Variants in SMPD3 observed in about 807,000 individuals in gnomAD.
SMPD3 encodes the protein sphingomyelin phosphodiesterase 3.
Under a neutral mutation model 55.7 loss-of-function variants are expected in SMPD3, and 21 were observed. That is an observed-to-expected ratio of 0.38 (90% CI 0.27 to 0.54). SMPD3 has a LOEUF of 0.54. Among genes scored for constraint, SMPD3 ranks in the 20% least tolerant of loss-of-function variants. SMPD3 has a pLI of 0.80. For missense variants in SMPD3, 842 were observed against 899.6 expected (o/e 0.94, Z 0.82); for synonymous variants, 457 against 404.3 (o/e 1.13, Z -1.56).
intron 1 of SMPD3, among the ~76,000 whole-genome samples, chr16:68,436,627 C>T (rs2152032660): frequency 6.6e-6 from 1 of 152,242 alleles, no homozygotes; most frequent in East Asian, 1.9e-4. Context: ...TATGGCTTGG[C>T]CTTATTAAAT....
At chr16:68,384,165 G>T (rs980123840) in intron 2 of SMPD3, among the ~76,000 whole-genome samples, 2 of 152,216 alleles carry the variant, frequency 1.3e-5, no homozygotes, top group Admixed American at 6.5e-5. Context: ...AGCTCCAGGG[G>T]CCCTGACCCG....
chr16:68,416,581 T>C (rs971560946), intron 1 of SMPD3, among the ~76,000 whole-genome samples: 1 of 152,254 alleles, frequency 6.6e-6, no homozygotes, highest in Admixed American at 6.5e-5. Flanking sequence ...CTCGTCCTTG[T>C]ATGCTCAGCA....
Position 68,359,850 on chromosome 16 carries a change from A to C in SMPD3, c.*1356T>G, listed in dbSNP as rs1186264897. ...CAGGTGGGCAGAGGCAGTGCTGCCGAAGGGGCCTGGGGGCTGTAGGCATCT... is the reference window on the plus strand; with the variant it reads ...CAGGTGGGCAGAGGCAGTGCTGCCGCAGGGGCCTGGGGGCTGTAGGCATCT... On this transcript the variant is annotated 3_prime_UTR_variant, in exon 9 of 9. Transcript: ENST00000219334. The C allele has an allele frequency of 6.6e-6, 1 of 152,498 alleles. No homozygotes were observed. Among genetic ancestry groups the C allele is most frequent in the Non-Finnish European group, 1.5e-5 (1 of 68,180 alleles). The allele number at this position is 152,498 out of a possible 1,614,324, so 9.4% of individuals were successfully genotyped here.
rs138676220 is a variant in SMPD3 at position 68,406,109 on chromosome 16, AGTCTTTCCCGTGGGGCTGTTTGAT to A, written c.-268-19474_-268-19451del. 2.4e-3 allele frequency among the ~76,000 whole-genome samples: 367 copies of A among 152,292 alleles called. 4 individuals carry two copies. The highest frequency in any genetic ancestry group is 8.6e-3 in the African/African-American group (357 of 41,568). Reference sequence around the variant, plus strand: ...AGCCTATGCCCTTAACCAGTCTGCCAGTCTTTCCCGTGGGGCTGTTTGATGATTCATTTTATTCTATACCCAGAA... The same window carrying A: ...AGCCTATGCCCTTAACCAGTCTGCCAGATTCATTTTATTCTATACCCAGAA... On this transcript the variant is annotated intron_variant, in intron 1 of 8. Coordinates refer to ENST00000219334, the MANE Select transcript of SMPD3 (RefSeq NM_018667.4).
At chr16:68,440,407 C>T (rs1359784112) in intron 1 of SMPD3, among the ~76,000 whole-genome samples, 6 of 152,240 alleles carry the variant, frequency 3.9e-5, no homozygotes, top group African/African-American at 1.2e-4. Flanking sequence ...CACCATGTTG[C>T]CCAGGCTGGT....
At chr16:68,428,548 C>T (rs980577570) in intron 1 of SMPD3, among the ~76,000 whole-genome samples, 8 of 152,222 alleles carry the variant, frequency 5.3e-5, no homozygotes, top group Admixed American at 1.3e-4. Flanking sequence ...TGTCCTCATA[C>T]TGTCTTGAGT....
chr16:68,378,812 C>A (rs1208202771), intron 2 of SMPD3, among the ~76,000 whole-genome samples: 2 of 152,194 alleles, frequency 1.3e-5, no homozygotes, highest in African/African-American at 2.4e-5. Context: ...AAGAGGCCTG[C>A]ATTTTATCTG....
intron 2 of SMPD3, among the ~76,000 whole-genome samples, chr16:68,378,850 C>A (rs888085563): frequency 6.6e-6 from 1 of 152,210 alleles, no homozygotes; most frequent in African/African-American, 2.4e-5. Flanking sequence ...CCTGAAGCTT[C>A]TGGAACCTTC....
At chr16:68,379,990 C>G (rs887758598) in intron 2 of SMPD3, among the ~76,000 whole-genome samples, 1 of 152,252 alleles carries the variant, frequency 6.6e-6, no homozygotes. Context: ...GCCCTTGTGC[C>G]ACGGTGACAT....
intron 2 of SMPD3, among the ~76,000 whole-genome samples, chr16:68,384,034 C>T (rs1371802944): frequency 6.6e-6 from 1 of 152,248 alleles, no homozygotes; most frequent in African/African-American, 2.4e-5. Context: ...CATCATACCA[C>T]ACTGCTCCCC....
intron 8 of SMPD3, 35 bp downstream of exon 8, chr16:68,361,568 T>G (rs1485274304): frequency 1.2e-6 from 2 of 1,601,450 alleles, no homozygotes; most frequent in East Asian, 2.2e-5. Flanking sequence ...GCTCTCTCTT[T>G]GCATGGCCCT....
chr16:68,361,428 A>G, intron 8 of SMPD3, 121 bp from the exon 9 acceptor site: 2 of 1,360,888 alleles, frequency 1.5e-6, no homozygotes, highest in Admixed American at 1.9e-5. Context: ...ACCTTCCTGC[A>G]GTCAGAGGGA....
intron 1 of SMPD3, among the ~76,000 whole-genome samples, chr16:68,421,127 T>A (rs999386164): frequency 6.6e-6 from 1 of 152,214 alleles, no homozygotes; most frequent in Admixed American, 6.5e-5. Context: ...CTGGCCCACC[T>A]GGGTTCACAG....
chr16:68,393,819 TC>T (rs138861440), intron 1 of SMPD3, among the ~76,000 whole-genome samples: 4,934 of 152,240 alleles, frequency 0.032, 260 homozygotes, highest in African/African-American at 0.11. Flanking sequence ...TGCACAACTT[TC>T]CCCCAATTTT....
rs1164598137 is a variant in SMPD3 at position 68,359,116 on chromosome 16, G to A, written c.*2090C>T. 1 of 152,578 alleles carries A rather than the reference G, an allele frequency of 6.6e-6. No individual in the cohort carries two copies. The allele number at this position is 152,578 out of a possible 1,614,324, so 9.5% of individuals were successfully genotyped here. A position where few individuals can be genotyped will look rare whatever the true frequency, so the allele number is the denominator to read the frequency against. On this transcript the variant is annotated 3_prime_UTR_variant, in exon 9 of 9. Coordinates refer to ENST00000219334, the MANE Select transcript of SMPD3 (RefSeq NM_018667.4). ...TGCCCCGGGAGGGGGTGCCTGGGTGGGGAAGCTATGTTGGGGTCTGGTGTG... is the reference window on the plus strand; with the variant it reads ...TGCCCCGGGAGGGGGTGCCTGGGTGAGGAAGCTATGTTGGGGTCTGGTGTG...
chr16:68,419,959 T>G (rs1218122074), intron 1 of SMPD3, among the ~76,000 whole-genome samples: 1 of 149,988 alleles, frequency 6.7e-6, no homozygotes, highest in African/African-American at 2.4e-5. Flanking sequence ...TATTGGAACA[T>G]GTAGTATCCC....
intron 1 of SMPD3, among the ~76,000 whole-genome samples, chr16:68,388,569 G>A (rs1274610614): frequency 1.3e-5 from 2 of 152,100 alleles, no homozygotes; most frequent in African/African-American, 4.8e-5. Context: ...TGAGAAGTTT[G>A]TCAAGCAGGA....
intron 2 of SMPD3, among the ~76,000 whole-genome samples, chr16:68,377,185 C>T (rs184895090): frequency 6.2e-4 from 95 of 152,328 alleles, no homozygotes; most frequent in African/African-American, 2.1e-3. Flanking sequence ...ACTTCACTAG[C>T]TTGTGGCTGT....
At position 68,370,902 on chromosome 16, in the gene SMPD3, C is replaced by G; in HGVS notation, c.1280G>C (p.Cys427Ser). ...DVAYHCYPNK[C>S]NDDALASKGA... ...CTTAGAGGCCAGGGCATCGTCGTTACACTTGTTGGGGTAACAGTGATAGGC... is the reference window on the plus strand; with the variant it reads ...CTTAGAGGCCAGGGCATCGTCGTTAGACTTGTTGGGGTAACAGTGATAGGC... Residue 427 changes from cysteine (C) to serine (S), a missense_variant, in exon 3 of 9, where the codon TGT (cysteine) becomes TCT (serine). Physicochemically the swap from Cys to Ser is moderately radical, Grantham distance 112. Coordinates refer to ENST00000219334, the MANE Select transcript of SMPD3 (RefSeq NM_018667.4). The G allele has an allele frequency of 2.5e-6, 4 of 1,614,124 alleles. No individual in the cohort carries two copies. Among genetic ancestry groups the G allele is most frequent in the East Asian group, 2.2e-5 (1 of 44,890 alleles).
Sources: gnomAD v4.1 joint callset for allele counts (sites outside exome capture counted in the v4.1 genomes callset) on GRCh38, gnomAD v4.1.1 for gene constraint, MANE v1.5 for transcripts, NCBI Gene and HGNC (gene_info 2026-07-23, HGNC 2026-07-21) for gene names.